PARD3B: variants seen among roughly 807,000 people sequenced by gnomAD.
PARD3B encodes par-3 family cell polarity regulator beta.
A neutral mutation model predicts 130.2 loss-of-function variants in PARD3B; 103 were observed. The ratio of observed to expected loss-of-function variants is 0.79; its 90% CI spans 0.67 to 0.93. PARD3B has a LOEUF of 0.93. Ranked by LOEUF, PARD3B falls within the 40% of genes least tolerant of loss-of-function variation. The pLI is 0.00. For missense variants in PARD3B, 1,609 were observed against 1,499.2 expected (o/e 1.07, Z -1.21); for synonymous variants, 583 against 553.2 (o/e 1.05, Z -0.76).
At chr2:205,193,800 A>T (rs1242394758) in intron 15 of PARD3B, among the ~76,000 whole-genome samples, 1 of 152,150 alleles carries the variant, frequency 6.6e-6, no homozygotes, top group Admixed American at 6.5e-5. Flanking sequence ...AGTGCAGAAG[A>T]TTCAGCTTTT....
chr2:204,819,444 C>T (rs1216331516), intron 2 of PARD3B, among the ~76,000 whole-genome samples: 1 of 152,156 alleles, frequency 6.6e-6, no homozygotes, highest in Admixed American at 6.5e-5. Flanking sequence ...ACTACTCCAC[C>T]AGTCAACTGT....
intron 16 of PARD3B, among the ~76,000 whole-genome samples, chr2:205,299,561 T>TTATATATA (rs1289898796): frequency 1.5e-3 from 26 of 17,166 alleles, no homozygotes; most frequent in Non-Finnish European, 3.7e-3. Context: ...ATATTATATA[T>TTATATATA]TATATATATA....
In PARD3B at chr2:205,352,578, C is replaced by T. The variant is rs565090788; in HGVS notation, c.2631-48435C>T. Among the ~76,000 whole-genome samples the T allele has an allele frequency of 2.3e-3, 343 of 152,264 alleles. No individual in the cohort carries two copies. Among genetic ancestry groups the T allele is most frequent in the Non-Finnish European group, 4.2e-3 (285 of 68,024 alleles). The stretch of plus-strand genomic sequence containing the variant: ...CTATATCACCTTCAATTTAATATTT[C>T]ACGAGAAATAGAAGGCACGAAATAA... On this transcript the variant is annotated intron_variant, in intron 18 of 22. Coordinates refer to ENST00000406610, the MANE Select transcript of PARD3B (RefSeq NM_001302769.2). The surrounding 1 kb of genome is among the most constrained non-coding windows in gnomAD (Gnocchi z 5.2).
intron 2 of PARD3B, among the ~76,000 whole-genome samples, chr2:204,800,601 C>G (rs776634050): frequency 3.9e-5 from 6 of 152,186 alleles, no homozygotes; most frequent in Admixed American, 1.3e-4. Flanking sequence ...TCCCAAAGGT[C>G]AAGAATAGAG....
intron 3 of PARD3B, among the ~76,000 whole-genome samples, chr2:205,006,668 C>CT (rs1270709526): frequency 6.6e-6 from 1 of 151,754 alleles, no homozygotes; most frequent in African/African-American, 2.4e-5. Context: ...TATTTGTTTT[C>CT]TTCTTGCTGA....
chr2:205,557,707 G>A (rs1392021282), intron 22 of PARD3B, among the ~76,000 whole-genome samples: 1 of 152,196 alleles, frequency 6.6e-6, no homozygotes, highest in East Asian at 1.9e-4. Flanking sequence ...TCAGCGAAGA[G>A]CCTGTGTAGT....
intron 19 of PARD3B, among the ~76,000 whole-genome samples, chr2:205,426,997 G>A (rs2047167455): frequency 2.6e-5 from 4 of 151,932 alleles, no homozygotes; most frequent in Admixed American, 2.6e-4. Context: ...AATGAAAATG[G>A]CCCTTAAGCA....
At chr2:205,574,628 A>C (rs2053679973) in intron 22 of PARD3B, among the ~76,000 whole-genome samples, 1 of 152,160 alleles carries the variant, frequency 6.6e-6, no homozygotes, top group Admixed American at 6.5e-5. Context: ...TCACTGACTT[A>C]GCACTCCAGT....
chr2:204,628,952 G>C (rs931707069), intron 1 of PARD3B, among the ~76,000 whole-genome samples: 1 of 152,070 alleles, frequency 6.6e-6, no homozygotes, highest in Non-Finnish European at 1.5e-5. Flanking sequence ...AATATATATG[G>C]TAAAGGTTGT....
chr2:204,752,674 CTTTAATTTCTGA>C (rs2040510621), intron 2 of PARD3B, among the ~76,000 whole-genome samples: 1 of 152,134 alleles, frequency 6.6e-6, no homozygotes, highest in South Asian at 2.1e-4. Context: ...CTCTTTGATC[CTTTAATTTCTGA>C]TTTTATGTCA....
At chr2:205,574,855 T>TTA (rs35588840) in intron 22 of PARD3B, among the ~76,000 whole-genome samples, 4 of 121,586 alleles carry the variant, frequency 3.3e-5, no homozygotes, top group East Asian at 4.7e-4. Flanking sequence ...CACTGAGGAG[T>TTA]AAAAAAAAAA....
chr2:204,786,049 G>T (rs910727385), intron 2 of PARD3B, among the ~76,000 whole-genome samples: 1 of 150,212 alleles, frequency 6.7e-6, no homozygotes, highest in South Asian at 2.1e-4. Flanking sequence ...GGGAGGTGGA[G>T]GTTGCAGTGA....
intron 2 of PARD3B, among the ~76,000 whole-genome samples, chr2:204,766,988 T>TTTATTTTA (rs1182313480): frequency 6.0e-5 from 4 of 67,002 alleles, no homozygotes; most frequent in African/African-American, 7.6e-5. Flanking sequence ...TTTCACATTT[T>TTTATTTTA]TTATTTTATT....
chr2:204,763,779 G>A (rs545128912), intron 2 of PARD3B, among the ~76,000 whole-genome samples: 1 of 152,130 alleles, frequency 6.6e-6, no homozygotes, highest in Non-Finnish European at 1.5e-5. Context: ...GTGTATATAT[G>A]TGATAAATGC....
At chr2:204,761,307 C>T (rs1022718903) in intron 2 of PARD3B, among the ~76,000 whole-genome samples, 1 of 152,180 alleles carries the variant, frequency 6.6e-6, no homozygotes, top group Non-Finnish European at 1.5e-5. Context: ...GGAATAACCA[C>T]ATTTTATGAT....
At chr2:205,137,006 G>T (rs1575913917) in intron 10 of PARD3B, among the ~76,000 whole-genome samples, 1 of 152,146 alleles carries the variant, frequency 6.6e-6, no homozygotes. Context: ...ACTAAAACAT[G>T]ATTCTTTAAC....
At chr2:204,636,663 C>G (rs1337064864) in intron 1 of PARD3B, among the ~76,000 whole-genome samples, 3 of 152,278 alleles carry the variant, frequency 2.0e-5, no homozygotes, top group Non-Finnish European at 4.4e-5. Context: ...CCATCTTGTG[C>G]TCTTATGGCC....
intron 2 of PARD3B, among the ~76,000 whole-genome samples, chr2:204,745,407 C>CTTTTTTTTTT (rs71032405): frequency 7.1e-6 from 1 of 140,992 alleles, no homozygotes. Context: ...TAAATACTAC[C>CTTTTTTTTTT]TTTTTTTTTT....
At chr2:204,919,376 C>T (rs991487369) in intron 2 of PARD3B, among the ~76,000 whole-genome samples, 8 of 152,308 alleles carry the variant, frequency 5.3e-5, no homozygotes, top group South Asian at 2.1e-4. Context: ...CAACCACTTC[C>T]GAAAATCACC....
Sources: allele counts gnomAD v4.1 joint callset (sites outside exome capture counted in the v4.1 genomes callset), GRCh38; gene constraint gnomAD v4.1.1; non-coding constraint Gnocchi (gnomAD v3.1); transcripts MANE v1.5; gene names NCBI Gene and HGNC (gene_info 2026-07-23, HGNC 2026-07-21).